FSTL5: variants seen among roughly 807,000 people sequenced by gnomAD.
The protein encoded by FSTL5 is follistatin like 5.
Under a neutral mutation model 89.1 loss-of-function variants are expected in FSTL5, and 62 were observed. The ratio of observed to expected loss-of-function variants is 0.70; its 90% CI spans 0.57 to 0.86. The LOEUF is 0.86. Ranked by LOEUF, FSTL5 falls within the 40% of genes least tolerant of loss-of-function variation. The probability of loss-of-function intolerance (pLI) is 0.00; values close to 1 mark genes in which losing one functional copy is unlikely to be tolerated. For synonymous variants in FSTL5, 383 were observed against 346.2 expected (o/e 1.11, Z -1.18); for missense variants, 1,057 against 1,001.6 (o/e 1.06, Z -0.75).
At chr4:162,000,783 A>T (rs1736441424) in intron 3 of FSTL5, among the ~76,000 whole-genome samples, 4 of 152,140 alleles carry the variant, frequency 2.6e-5, no homozygotes. Context: ...CAACAAGGTC[A>T]TAATTATAAA....
intron 3 of FSTL5, among the ~76,000 whole-genome samples, chr4:161,943,716 C>T (rs894325570): frequency 1.3e-4 from 20 of 151,280 alleles, no homozygotes; most frequent in Non-Finnish European, 2.9e-5. Flanking sequence ...CCACCATGCC[C>T]GGCTAATTTT....
chr4:161,453,995 C>T (rs1388258531), intron 15 of FSTL5, among the ~76,000 whole-genome samples: 1 of 152,112 alleles, frequency 6.6e-6, no homozygotes, highest in Non-Finnish European at 1.5e-5. Flanking sequence ...TGAAAATATG[C>T]TTGGCTTTGC....
At chr4:161,831,228 T>G (rs997691103) in intron 4 of FSTL5, among the ~76,000 whole-genome samples, 7 of 151,944 alleles carry the variant, frequency 4.6e-5, no homozygotes, top group African/African-American at 1.7e-4. Context: ...CTTAAATATA[T>G]GCAATAAATT....
At chr4:162,131,158 A>G (rs1422834696) in intron 1 of FSTL5, among the ~76,000 whole-genome samples, 1 of 152,132 alleles carries the variant, frequency 6.6e-6, no homozygotes, top group Admixed American at 6.5e-5. Flanking sequence ...TTAAGAATAT[A>G]TTTAAAGCAA....
At position 161,481,385 on chromosome 4, in the gene FSTL5, C is replaced by T. The variant is rs183569275; in HGVS notation, c.1459-216G>A. Among the ~76,000 whole-genome samples, 107 of 152,056 alleles carry T rather than the reference C, an allele frequency of 7.0e-4. No homozygotes were observed. The East Asian group carries it at 0.017, about 24-fold the overall frequency. ...ATTCCTTTAAAATAAATTTTATGTT[C>T]TTAATTACTTATTTTTCTAGTAAAA... On this transcript the variant is annotated intron_variant, in intron 12 of 15. Transcript: ENST00000306100.
At chr4:161,443,844 C>G (rs775504354) in intron 15 of FSTL5, among the ~76,000 whole-genome samples, 4 of 151,868 alleles carry the variant, frequency 2.6e-5, no homozygotes, top group Non-Finnish European at 5.9e-5. Flanking sequence ...ATAGGGGCTA[C>G]TCAGGTTCTT....
chr4:161,809,075 C>T (rs1182756888), intron 4 of FSTL5, among the ~76,000 whole-genome samples: 1 of 152,028 alleles, frequency 6.6e-6, no homozygotes, highest in Non-Finnish European at 1.5e-5. Context: ...AAAAATTAGC[C>T]AGGCTTGGTG....
At chr4:162,122,138 C>T (rs564531321) in intron 1 of FSTL5, among the ~76,000 whole-genome samples, 25 of 152,030 alleles carry the variant, frequency 1.6e-4, no homozygotes, top group Non-Finnish European at 3.5e-4. Flanking sequence ...GGGTTGGCAC[C>T]CTATACCCTG....
intron 10 of FSTL5, among the ~76,000 whole-genome samples, chr4:161,529,638 T>C (rs564863398): frequency 7.0e-6 from 1 of 142,196 alleles, no homozygotes; most frequent in Non-Finnish European, 1.5e-5. Context: ...TATAGAATTA[T>C]ATTTAATAAA....
chr4:161,907,017 C>T (rs1303756156), intron 4 of FSTL5, among the ~76,000 whole-genome samples: 3 of 152,054 alleles, frequency 2.0e-5, no homozygotes, highest in South Asian at 4.1e-4. Context: ...TTTTGAGCTA[C>T]AGAGATTGTG....
At chr4:161,758,068 T>G (rs937993481) in intron 6 of FSTL5, among the ~76,000 whole-genome samples, 1 of 152,228 alleles carries the variant, frequency 6.6e-6, no homozygotes, top group Non-Finnish European at 1.5e-5. Context: ...AGAGCGTATT[T>G]TTATCGTGAT....
intron 8 of FSTL5, among the ~76,000 whole-genome samples, chr4:161,578,795 C>A (rs993428224): frequency 6.6e-6 from 1 of 151,804 alleles, no homozygotes; most frequent in Non-Finnish European, 1.5e-5. Flanking sequence ...CATGCAAGAG[C>A]AACCCAGAAG....
intron 4 of FSTL5, among the ~76,000 whole-genome samples, chr4:161,780,202 T>C (rs1038849191): frequency 6.7e-6 from 1 of 149,962 alleles, no homozygotes; most frequent in South Asian, 2.1e-4. Context: ...ATTGTATAAT[T>C]ATTTAATAAT....
intron 2 of FSTL5, among the ~76,000 whole-genome samples, chr4:162,040,065 C>T (rs1481642838): frequency 6.6e-6 from 1 of 151,822 alleles, no homozygotes; most frequent in East Asian, 1.9e-4. Flanking sequence ...TAGAGGTAAA[C>T]CTTACTAATT....
rs143269287 is a variant in FSTL5, at chr4:161,782,955, A to G, written c.410-6881T>C. On this transcript the variant is annotated intron_variant, in intron 4 of 15. Transcript: ENST00000306100. ...AGGGTTGCAATTATATTCATCAAAT[A>G]CAACACACTTGGATCATATGTGCAA... is the stretch of plus-strand genomic sequence containing the variant. Among the ~76,000 whole-genome samples, 470 of 152,300 alleles carry G rather than the reference A, an allele frequency of 3.1e-3. 2 individuals carry two copies. Among genetic ancestry groups the G allele is most frequent in the Non-Finnish European group, 3.3e-3 (223 of 68,018 alleles).
Position 162,070,119 on chromosome 4 carries a change from CTGA to C in FSTL5, c.127-36464_127-36462del, listed in dbSNP as rs557372120. 3.3e-5 allele frequency among the ~76,000 whole-genome samples: 5 copies of C among 151,856 alleles called. No individual in the cohort carries two copies. The South Asian group carries it at 1.0e-3, about 31-fold the overall frequency. ...TCATGTGGTTTTGGTTTGCATTTTCCTGATGATAAGTTACATCGGGGATTCGTA... is the reference window on the plus strand; with the variant it reads ...TCATGTGGTTTTGGTTTGCATTTTCCTGATAAGTTACATCGGGGATTCGTA... On this transcript the variant is annotated intron_variant, in intron 2 of 15. Transcript: ENST00000306100.
At chr4:161,414,062 T>C (rs1029799793) in intron 15 of FSTL5, among the ~76,000 whole-genome samples, 1 of 152,200 alleles carries the variant, frequency 6.6e-6, no homozygotes, top group African/African-American at 2.4e-5. Context: ...CCCTTGTATC[T>C]AAAATAAAAC....
intron 13 of FSTL5, among the ~76,000 whole-genome samples, chr4:161,480,595 C>T (rs181780059): frequency 6.6e-6 from 1 of 152,306 alleles, no homozygotes; most frequent in Non-Finnish European, 1.5e-5. Flanking sequence ...TACTAGGTTA[C>T]TGTCATCTAG....
At chr4:162,153,745 A>T (rs199674546) in intron 1 of FSTL5, among the ~76,000 whole-genome samples, 2 of 109,834 alleles carry the variant, frequency 1.8e-5, no homozygotes, top group African/African-American at 3.2e-5. Context: ...TGTATATAAT[A>T]ATATACATGT....
Sources: gnomAD v4.1 joint callset for allele counts (sites outside exome capture counted in the v4.1 genomes callset) on GRCh38, gnomAD v4.1.1 for gene constraint, MANE v1.5 for transcripts, NCBI Gene and HGNC (gene_info 2026-07-23, HGNC 2026-07-21) for gene names.